The following HACL2 variants were observed in gnomAD, a reference collection of about 807,000 sequenced individuals.
The protein encoded by HACL2 is 2-hydroxyacyl-CoA lyase 1 like.
chr19:15,117,633 T>G, the HACL2 span: 1 of 391,536 alleles, frequency 2.6e-6, no homozygotes, highest in Non-Finnish European at 4.7e-6. Flanking sequence ...GAGCTGTGAT[T>G]GCACTACTGC....
the HACL2 span, chr19:15,116,337 G>A: frequency 6.8e-6 from 11 of 1,613,980 alleles, no homozygotes; most frequent in South Asian, 3.3e-5. Flanking sequence ...ACAGGACAGC[G>A]AAGGTCACCA....
the HACL2 span, chr19:15,115,074 G>T: frequency 1.4e-6 from 1 of 716,074 alleles, no homozygotes; most frequent in Non-Finnish European, 2.4e-6. Context: ...GAAGAGGAGG[G>T]TCCAAGAGCT....
At chr19:15,119,467 C>G in the HACL2 span, 1 of 1,614,148 alleles carries the variant, frequency 6.2e-7, no homozygotes, top group South Asian at 1.1e-5. Flanking sequence ...CTCCCCAGCA[C>G]CATCAGAGGC....
At chr19:15,116,756 C>T in the HACL2 span, 1 of 528,254 alleles carries the variant, frequency 1.9e-6, no homozygotes. Flanking sequence ...GGTTAAGGAG[C>T]ACAAGGCAGG....
At chr19:15,125,166 C>A in the HACL2 span, 18 of 1,230,204 alleles carry the variant, frequency 1.5e-5, no homozygotes, top group African/African-American at 4.6e-5. Flanking sequence ...GGGCCACGAC[C>A]CTTGCCGCCA....
At chr19:15,125,526 A>G in the HACL2 span, 1 of 172,152 alleles carries the variant, frequency 5.8e-6, no homozygotes, top group East Asian at 1.8e-4. Flanking sequence ...CCCTCCACGC[A>G]ACCCACGCCT....
At chr19:15,122,058 C>T in the HACL2 span, among the ~76,000 whole-genome samples, 14 of 119,542 alleles carry the variant, frequency 1.2e-4, no homozygotes, top group African/African-American at 4.4e-4. This position sits in a 1 kb window ranked among gnomAD's most constrained non-coding sequence, Gnocchi z 4.0. Context: ...CCACCACGCC[C>T]GGCTAATTTT....
At chr19:15,121,266 A>G in the HACL2 span, among the ~76,000 whole-genome samples, 1 of 152,284 alleles carries the variant, frequency 6.6e-6, no homozygotes, top group South Asian at 2.1e-4. Flanking sequence ...CTCAAAAAAA[A>G]TAAAGAGGCC....
the HACL2 span, chr19:15,124,968 C>T: frequency 6.2e-7 from 1 of 1,607,840 alleles, no homozygotes; most frequent in Non-Finnish European, 8.5e-7. Flanking sequence ...GTGAGCGGCG[C>T]CCAGCAAGGC....
At chr19:15,121,728 G>A in the HACL2 span, among the ~76,000 whole-genome samples, 2 of 149,928 alleles carry the variant, frequency 1.3e-5, no homozygotes, top group Non-Finnish European at 3.0e-5. Flanking sequence ...AAAATCACTT[G>A]AACCCAGGGG....
At chr19:15,125,005 GC>G in the HACL2 span, 3 of 1,591,278 alleles carry the variant, frequency 1.9e-6, no homozygotes, top group Non-Finnish European at 1.7e-6. Flanking sequence ...CAGGCCAGGA[GC>G]AGGAAGGAGG....
the HACL2 span, chr19:15,117,127 T>C: frequency 6.4e-6 from 1 of 156,582 alleles, no homozygotes; most frequent in Non-Finnish European, 1.4e-5. Context: ...GCAACGGTGC[T>C]ACTTCTCTGC....
At chr19:15,123,066 GAGCCCTTCA>G in the HACL2 span, 9 of 1,609,942 alleles carry the variant, frequency 5.6e-6, no homozygotes, top group Non-Finnish European at 7.6e-6. The surrounding 1 kb of genome is among the most constrained non-coding windows in gnomAD (Gnocchi z 5.1). Flanking sequence ...GTTATCGCAT[GAGCCCTTCA>G]AGCCCCCCTA....
At chr19:15,123,315 C>G in the HACL2 span, 141 of 1,604,194 alleles carry the variant, frequency 8.8e-5, no homozygotes, top group Admixed American at 5.0e-5. This position sits in a 1 kb window ranked among gnomAD's most constrained non-coding sequence, Gnocchi z 5.1. Context: ...AACCCCTACC[C>G]TCACAGACAC....
chr19:15,118,481 G>C, the HACL2 span, among the ~76,000 whole-genome samples: 4 of 152,086 alleles, frequency 2.6e-5, no homozygotes, highest in East Asian at 7.7e-4. Flanking sequence ...GGAAACCGGA[G>C]CCACACATAG....
At chr19:15,122,693 CAGG>C in the HACL2 span, 3 of 1,613,702 alleles carry the variant, frequency 1.9e-6, no homozygotes, top group Non-Finnish European at 2.5e-6. This position sits in a 1 kb window ranked among gnomAD's most constrained non-coding sequence, Gnocchi z 4.0. Flanking sequence ...GGCTATTCAC[CAGG>C]AGACCACTCG....
the HACL2 span, among the ~76,000 whole-genome samples, chr19:15,119,794 G>A: frequency 2.0e-5 from 3 of 152,104 alleles, no homozygotes; most frequent in South Asian, 2.1e-4. Flanking sequence ...CAAGTGATCC[G>A]CCTGCCTCGG....
At chr19:15,116,297 G>C in the HACL2 span, 1 of 1,613,952 alleles carries the variant, frequency 6.2e-7, no homozygotes, top group Non-Finnish European at 8.5e-7. Flanking sequence ...TCAGGTGCTG[G>C]GCCACAGGCA....
chr19:15,123,169 T>A, the HACL2 span: 1 of 1,613,762 alleles, frequency 6.2e-7, no homozygotes, highest in African/African-American at 1.3e-5. This position sits in a 1 kb window ranked among gnomAD's most constrained non-coding sequence, Gnocchi z 5.1. Flanking sequence ...GACTGAGCCA[T>A]CTGAGCATTC....
Sources: allele counts gnomAD v4.1 joint callset (sites outside exome capture counted in the v4.1 genomes callset), GRCh38; gene constraint gnomAD v4.1.1; non-coding constraint Gnocchi (gnomAD v3.1); transcripts MANE v1.5; gene names NCBI Gene and HGNC (gene_info 2026-07-23, HGNC 2026-07-21).